HCRTR2: variants seen among roughly 807,000 people sequenced by gnomAD.
The protein encoded by HCRTR2 is orexin receptor type 2.
HCRTR2 carries 22 observed loss-of-function variants against 49.0 expected under a neutral mutation model. The ratio of observed to expected loss-of-function variants is 0.45; its 90% confidence interval spans 0.32 to 0.64. The LOEUF (loss-of-function observed/expected upper bound fraction) is 0.64, where lower values mean the gene tolerates loss of function less well. Ranked by LOEUF, HCRTR2 falls within the 30% of genes least tolerant of loss-of-function variation. The pLI is 0.04. For synonymous variants in HCRTR2, 236 were observed against 205.3 expected (o/e 1.15, Z -1.28); for missense variants, 491 against 559.4 (o/e 0.88, Z 1.23).
chr6:55,199,517 T>G (rs1158345534), intron 1 of HCRTR2, among the ~76,000 whole-genome samples: 1 of 152,164 alleles, frequency 6.6e-6, no homozygotes, highest in Non-Finnish European at 1.5e-5. Flanking sequence ...TCCTAATCTA[T>G]CCACTTAGAG....
Position 55,274,239 on chromosome 6 carries a change from G to GTATATATATATATATA in HCRTR2, c.763-3138_763-3123dup, listed in dbSNP as rs61667408. Among the ~76,000 whole-genome samples, 320 of 119,492 alleles carry GTATATATATATATATA rather than the reference G, an allele frequency of 2.7e-3. 5 individuals are homozygous for GTATATATATATATATA. The highest frequency in any genetic ancestry group is 9.1e-3 in the African/African-American group (299 of 32,904). 78.4% of individuals were successfully genotyped at this position (119,492 alleles called of 152,430 possible). On this transcript the variant is annotated intron_variant, in intron 4 of 6. Coordinates refer to ENST00000370862, the MANE Select transcript of HCRTR2 (RefSeq NM_001384272.1). ...TCTCTGCAATGTTTCATCATTTTCA[G>GTATATATATATATATA]TATATATATATATATATAATGAAAT...
In HCRTR2 at chr6:55,152,756, T is replaced by G. The variant is rs538492208; in HGVS notation, c.-377-21455T>G. Among the ~76,000 whole-genome samples the G allele has an allele frequency of 3.3e-5, 5 of 152,104 alleles. No individual in the cohort carries two copies. In the South Asian group the frequency reaches 1.0e-3, roughly 32 times the overall value. ...GGGCAAAGCTTCCCAAAGGCCTCACTTTCTAGTATCATCACACGGGCAATT... is the reference window on the plus strand; with the variant it reads ...GGGCAAAGCTTCCCAAAGGCCTCACGTTCTAGTATCATCACACGGGCAATT... On this transcript the variant is annotated intron_variant, in intron 1 of 7. Coordinates refer to the HCRTR2 transcript ENST00000615358.
At chr6:55,221,363 G>C (rs1303522940) in intron 1 of HCRTR2, among the ~76,000 whole-genome samples, 1 of 152,020 alleles carries the variant, frequency 6.6e-6, no homozygotes, top group African/African-American at 2.4e-5. Flanking sequence ...AGCGAGCCCA[G>C]AAATAAGCCC....
intron 1 of HCRTR2, among the ~76,000 whole-genome samples, chr6:55,178,161 C>G (rs1302073872): frequency 1.3e-5 from 2 of 152,004 alleles, no homozygotes; most frequent in African/African-American, 4.8e-5. Context: ...AATTTTTACT[C>G]CTGATTCCTT....
intron 1 of HCRTR2, among the ~76,000 whole-genome samples, chr6:55,157,663 A>T (rs113609083): frequency 5.3e-5 from 8 of 152,234 alleles, no homozygotes; most frequent in African/African-American, 1.9e-4. Flanking sequence ...CCCCTCCTTA[A>T]GTTCCAGGCA....
chr6:55,251,749 T>C (rs945998019), intron 2 of HCRTR2, among the ~76,000 whole-genome samples: 1 of 152,118 alleles, frequency 6.6e-6, no homozygotes, highest in African/African-American at 2.4e-5. Flanking sequence ...TATTTGCTAG[T>C]ATAAAACAGT....
chr6:55,263,680 G>T (rs765881455), intron 3 of HCRTR2, 27 bp from the exon 4 acceptor site: 9 of 1,224,040 alleles, frequency 7.4e-6, no homozygotes, highest in East Asian at 7.0e-5. Flanking sequence ...GTAACGTAAG[G>T]TTTTGTTGTT....
At chr6:55,221,280 A>T (rs1045912861) in intron 1 of HCRTR2, among the ~76,000 whole-genome samples, 4 of 152,214 alleles carry the variant, frequency 2.6e-5, no homozygotes, top group Non-Finnish European at 5.9e-5. Flanking sequence ...TTCAAAACAT[A>T]TTCCAAAGCC....
intron 1 of HCRTR2, among the ~76,000 whole-genome samples, chr6:55,164,021 A>G (rs1764842475): frequency 6.6e-6 from 1 of 152,248 alleles, no homozygotes; most frequent in African/African-American, 2.4e-5. Flanking sequence ...ACATACAAAA[A>G]AAAGCTTATC....
intron 1 of HCRTR2, among the ~76,000 whole-genome samples, chr6:55,108,952 G>T (rs945083560): frequency 1.3e-5 from 2 of 152,068 alleles, no homozygotes; most frequent in African/African-American, 4.8e-5. Context: ...CTGGCTGCCT[G>T]CATATAAACT....
chr6:55,168,445 C>T (rs1390288865), intron 1 of HCRTR2, among the ~76,000 whole-genome samples: 3 of 152,156 alleles, frequency 2.0e-5, no homozygotes, highest in South Asian at 2.1e-4. Context: ...CAGCAAAAAG[C>T]GTATTTCTGG....
chr6:55,220,966 A>G (rs763896593), intron 1 of HCRTR2, among the ~76,000 whole-genome samples: 80 of 152,330 alleles, frequency 5.3e-4, no homozygotes, highest in Admixed American at 7.8e-4. Flanking sequence ...AAAAATGACT[A>G]AAATGTTTAG....
intron 1 of HCRTR2, among the ~76,000 whole-genome samples, chr6:55,234,393 G>T (rs1250284408): frequency 6.6e-6 from 1 of 152,106 alleles, no homozygotes; most frequent in Non-Finnish European, 1.5e-5. Flanking sequence ...ATCTATATTA[G>T]ATAGTTAAAA....
intron 5 of HCRTR2, among the ~76,000 whole-genome samples, chr6:55,278,848 C>T (rs1284504437): frequency 6.6e-6 from 1 of 151,544 alleles, no homozygotes. Context: ...TGTTATGTTA[C>T]TGGATGGGTT....
chr6:55,282,930 G>A (rs1562033855), downstream of HCRTR2, among the ~76,000 whole-genome samples: 1 of 151,846 alleles, frequency 6.6e-6, no homozygotes, highest in Non-Finnish European at 1.5e-5. Context: ...GTTATAATGT[G>A]ATATCTGAGA....
chr6:55,282,195 C>A (rs763736211), intron 6 of HCRTR2, 30 bp from the exon 7 acceptor site: 9 of 1,492,756 alleles, frequency 6.0e-6, no homozygotes, highest in Non-Finnish European at 8.4e-6. Context: ...ATGTATAATT[C>A]CTTTTCCTTT....
chr6:55,138,163 A>G (rs1355217380), intron 1 of HCRTR2, among the ~76,000 whole-genome samples: 2 of 152,148 alleles, frequency 1.3e-5, no homozygotes, highest in African/African-American at 2.4e-5. Context: ...AAATAAATTA[A>G]AAAAAAGAAG....
chr6:55,279,474 G>T (rs563243541), intron 5 of HCRTR2, among the ~76,000 whole-genome samples: 1 of 146,720 alleles, frequency 6.8e-6, no homozygotes, highest in African/African-American at 2.5e-5. Flanking sequence ...ATGGTATAAG[G>T]TACACCTTAT....
At chr6:55,136,405 T>C (rs907237924) in intron 1 of HCRTR2, among the ~76,000 whole-genome samples, 1 of 152,156 alleles carries the variant, frequency 6.6e-6, no homozygotes. Flanking sequence ...TTTGGTCTTT[T>C]TATTTACTTT....
Sources: allele counts gnomAD v4.1 joint callset (sites outside exome capture counted in the v4.1 genomes callset), GRCh38; gene constraint gnomAD v4.1.1; transcripts MANE v1.5; gene names NCBI Gene and HGNC (gene_info 2026-07-23, HGNC 2026-07-21).